C1orf141: variants seen among roughly 807,000 people sequenced by gnomAD.
C1orf141 encodes chromosome 1 open reading frame 141, also known as uncharacterized protein C1orf141.
C1orf141 carries 19 observed loss-of-function variants against 23.2 expected under a neutral mutation model. The observed-to-expected ratio is 0.82, with a 90% CI of 0.57 to 1.20. The LOEUF is 1.20. Ranked by LOEUF, C1orf141 falls within the 50% of genes most tolerant of loss-of-function variation. C1orf141 has a pLI of 0.00. For synonymous variants in C1orf141, 153 were observed against 154.6 expected, an observed-to-expected ratio of 0.99 and a Z score of 0.08; for missense variants, 469 against 455.1, an observed-to-expected ratio of 1.03 and a Z score of -0.28.
At chr1:67,140,001 C>T (rs751953436) in intron 1 of C1orf141, among the ~76,000 whole-genome samples, 4 of 152,308 alleles carry the variant, frequency 2.6e-5, no homozygotes, top group Non-Finnish European at 4.4e-5. Flanking sequence ...AACCCCCTCA[C>T]CATGTGATGC....
At chr1:67,105,658 G>GAC (rs144867524) in intron 5 of C1orf141, among the ~76,000 whole-genome samples, 9 of 150,610 alleles carry the variant, frequency 6.0e-5, no homozygotes, top group African/African-American at 1.5e-4. Context: ...CACACACACA[G>GAC]ACACACACAC....
chr1:67,113,720 A>G (rs778064729), intron 5 of C1orf141: 2 of 1,278,010 alleles, frequency 1.6e-6, no homozygotes, highest in South Asian at 2.5e-5. Flanking sequence ...TCCGCTGAAG[A>G]GGCTTTAATC....
At chr1:67,132,445 C>T (rs1327956077) in intron 1 of C1orf141, among the ~76,000 whole-genome samples, 1 of 152,130 alleles carries the variant, frequency 6.6e-6, no homozygotes, top group Non-Finnish European at 1.5e-5. Flanking sequence ...ATAACCTGAA[C>T]CCAGGTGGCG....
chr1:67,126,727 A>G (rs1054200105), intron 3 of C1orf141, among the ~76,000 whole-genome samples: 4 of 152,216 alleles, frequency 2.6e-5, no homozygotes, highest in Non-Finnish European at 5.9e-5. Flanking sequence ...GCTGAGGTGC[A>G]GGGAGGAGAA....
chr1:67,135,198 T>A (rs1440624652), upstream of C1orf141, among the ~76,000 whole-genome samples: 1 of 152,224 alleles, frequency 6.6e-6, no homozygotes, highest in Non-Finnish European at 1.5e-5. Context: ...AAGAAGAAGA[T>A]CAAGTAAAAA....
chr1:67,099,133 C>T (rs532469230), intron 5 of C1orf141, among the ~76,000 whole-genome samples: 1 of 152,082 alleles, frequency 6.6e-6, no homozygotes, highest in Non-Finnish European at 1.5e-5. Flanking sequence ...TTGAAGATGA[C>T]AGACAGAATA....
At chr1:67,101,632 G>GCCAACT (rs1423552887) in intron 5 of C1orf141, among the ~76,000 whole-genome samples, 1 of 151,922 alleles carries the variant, frequency 6.6e-6, no homozygotes, top group Admixed American at 6.6e-5. Context: ...ATAATATGAG[G>GCCAACT]CAGATTTTCT....
intron 3 of C1orf141, among the ~76,000 whole-genome samples, chr1:67,126,937 G>A (rs980082311): frequency 6.6e-5 from 10 of 152,164 alleles, no homozygotes; most frequent in African/African-American, 1.4e-4. Flanking sequence ...TAGTAAAATC[G>A]TCAAAACAAT....
intron 4 of C1orf141, among the ~76,000 whole-genome samples, chr1:67,119,988 A>T (rs1471083198): frequency 1.3e-5 from 2 of 152,070 alleles, no homozygotes; most frequent in Non-Finnish European, 2.9e-5. Context: ...TGGGTGTGCA[A>T]CTCCCGCTAG....
intron 5 of C1orf141, among the ~76,000 whole-genome samples, chr1:67,104,298 G>A (rs972409660): frequency 6.6e-6 from 1 of 152,064 alleles, no homozygotes; most frequent in Non-Finnish European, 1.5e-5. Flanking sequence ...CATTGCAGGC[G>A]AGGTCAACAG....
intron 5 of C1orf141, among the ~76,000 whole-genome samples, chr1:67,107,203 A>G (rs1469747421): frequency 3.3e-5 from 5 of 151,944 alleles, no homozygotes; most frequent in Non-Finnish European, 7.4e-5. Context: ...ACTTTAATCT[A>G]TACGGAAACC....
intron 4 of C1orf141, among the ~76,000 whole-genome samples, chr1:67,120,217 C>T (rs552101635): frequency 1.7e-4 from 26 of 152,340 alleles, no homozygotes; most frequent in Non-Finnish European, 1.5e-5. Context: ...TATCCTACAC[C>T]TATCCCATCA....
At chr1:67,114,844 T>G (rs970385258) in intron 5 of C1orf141, among the ~76,000 whole-genome samples, 11 of 152,186 alleles carry the variant, frequency 7.2e-5, no homozygotes, top group African/African-American at 2.7e-4. Context: ...CCCGGCTAAT[T>G]TTTGTACGTT....
chr1:67,110,937 A>T (rs911337235), intron 5 of C1orf141, among the ~76,000 whole-genome samples: 5 of 148,812 alleles, frequency 3.4e-5, no homozygotes, highest in South Asian at 4.2e-4. Context: ...TATATATATA[A>T]AATACAAAAA....
intron 4 of C1orf141, among the ~76,000 whole-genome samples, chr1:67,119,979 G>C (rs1328999293): frequency 2.6e-5 from 4 of 152,212 alleles, no homozygotes; most frequent in African/African-American, 9.6e-5. Flanking sequence ...GTGGAGCCAT[G>C]GGTGTGCAAC....
chr1:67,113,849 C>T (rs1050967875), intron 5 of C1orf141: 3 of 443,848 alleles, frequency 6.8e-6, no homozygotes, highest in Admixed American at 5.5e-5. Flanking sequence ...CTGAAAACAC[C>T]TTAAAAGGCT....
intron 4 of C1orf141, among the ~76,000 whole-genome samples, chr1:67,117,680 G>A (rs567315779): frequency 2.3e-4 from 35 of 152,296 alleles, no homozygotes; most frequent in African/African-American, 8.4e-4. Context: ...GAATGAGAAT[G>A]AGTCAAGGGT....
At chr1:67,103,341 A>G in intron 5 of C1orf141, 1 of 1,478,804 alleles carries the variant, frequency 6.8e-7, no homozygotes, top group Non-Finnish European at 9.1e-7. Context: ...ATGCTTGTCT[A>G]TGCTGTGAAT....
chr1:67,121,989 A>G, intron 4 of C1orf141: 1 of 152,228 alleles, frequency 6.6e-6, no homozygotes, highest in Middle Eastern at 3.2e-3. Context: ...CAGACTTTTA[A>G]TAACCAAAGT....
Sources: gnomAD v4.1 joint callset for allele counts (sites outside exome capture counted in the v4.1 genomes callset) on GRCh38, gnomAD v4.1.1 for gene constraint, MANE v1.5 for transcripts, NCBI Gene and HGNC (gene_info 2026-07-23, HGNC 2026-07-21) for gene names.